Variants in HSPG2 observed in about 807,000 individuals in gnomAD.
HSPG2 encodes heparan sulfate proteoglycan 2.
In HSPG2, 278 loss-of-function variants were observed where a neutral mutation model predicts 526.6. The ratio of observed to expected loss-of-function variants is 0.53; its 90% CI spans 0.48 to 0.58. The LOEUF (loss-of-function observed/expected upper bound fraction) is 0.58, where lower values mean the gene tolerates loss of function less well. HSPG2 is among the 20% of genes least tolerant of loss of function. The pLI is 0.00. For missense variants in HSPG2, 5,354 were observed against 6,099.5 expected, an observed-to-expected ratio of 0.88 and a Z score of 4.07; for synonymous variants, 2,465 against 2,555.4, an observed-to-expected ratio of 0.96 and a Z score of 1.07.
intron 44 of HSPG2, among the ~76,000 whole-genome samples, chr1:21,856,276 CCTCTGCCAAGAACA>C (rs1206523924): frequency 6.6e-6 from 1 of 152,174 alleles, no homozygotes; most frequent in African/African-American, 2.4e-5. Context: ...TGTGCTGCTC[CCTCTGCCAAGAACA>C]CTCTGCCAAC....
Position 21,859,194 on chromosome 1 carries a change from G to A in HSPG2, c.5293+372C>T, listed in dbSNP as rs1639577017. Among the ~76,000 whole-genome samples, 1 of 152,084 alleles carries A rather than the reference G, an allele frequency of 6.6e-6. No individual in the cohort carries two copies. Among genetic ancestry groups the A allele is most frequent in the Non-Finnish European group, 1.5e-5 (1 of 68,010 alleles). On this transcript the variant is annotated intron_variant, in intron 42 of 96. Transcript: ENST00000374695. The surrounding 1 kb of genome is among the most constrained non-coding windows in gnomAD (Gnocchi z 5.3). ...CTCCCGAGTAGCTGGGATTATAGGTGTGTACCACCATGCCCAGCTAATTTT... is the reference window on the plus strand; with the variant it reads ...CTCCCGAGTAGCTGGGATTATAGGTATGTACCACCATGCCCAGCTAATTTT...
At chr1:21,837,028 T>C (rs1204991253) in intron 74 of HSPG2, 22 bp from the exon 75 acceptor site, 11 of 1,540,650 alleles carry the variant, frequency 7.1e-6, no homozygotes. Flanking sequence ...TGTATGAGGT[T>C]CTGCAGGTAT....
rs902247711 is a variant in HSPG2 at position 21,898,806 on chromosome 1, T to C, written c.64-2496A>G. ...ATCCCCCTCTCATTGCAACCAAGGTTATGGAGGGCATGCCTGGAGCACTGC... is the reference window on the plus strand; with the variant it reads ...ATCCCCCTCTCATTGCAACCAAGGTCATGGAGGGCATGCCTGGAGCACTGC... On this transcript the variant is annotated intron_variant, in intron 1 of 96. Coordinates refer to ENST00000374695, the MANE Select transcript of HSPG2 (RefSeq NM_005529.7). The surrounding 1 kb of genome is among the most constrained non-coding windows in gnomAD (Gnocchi z 4.0). 2.6e-5 allele frequency among the ~76,000 whole-genome samples: 4 copies of C among 152,106 alleles called. No homozygotes were observed. In the South Asian group the frequency reaches 6.2e-4, roughly 24 times the overall value.
At position 21,861,755 on chromosome 1, in the gene HSPG2, A is replaced by C; in HGVS notation, c.4955+2T>G. 6.2e-7 allele frequency: 1 copy of C among 1,613,860 alleles called. No homozygotes were observed. Among genetic ancestry groups the C allele is most frequent in the Non-Finnish European group, 8.5e-7 (1 of 1,179,830 alleles). ...TCCCCCTACTTCTGTTTACAAACTT[A>C]CTGCTCACAGTACTGGCCAGTGTAG... On this transcript the variant is annotated splice_donor_variant, in intron 39 of 96. Transcript: ENST00000374695. LOFTEE classifies it high-confidence loss of function.
chr1:21,851,466 C>T (rs1638888323), intron 55 of HSPG2, 80 bp downstream of exon 55: 3 of 1,589,004 alleles, frequency 1.9e-6, no homozygotes, highest in Non-Finnish European at 8.6e-7. Flanking sequence ...CTCAGGGGAG[C>T]CTCTAGCCCT....
intron 44 of HSPG2, among the ~76,000 whole-genome samples, chr1:21,856,586 T>G (rs879496271): frequency 3.6e-5 from 5 of 140,120 alleles, no homozygotes; most frequent in Non-Finnish European, 7.8e-5. Context: ...CCCAGCTAGT[T>G]TTTGTATTTT....
In HSPG2 at chr1:21,858,354, C is replaced by T. The variant is rs926831195; in HGVS notation, c.5294-969G>A. 1.2e-4 allele frequency among the ~76,000 whole-genome samples: 18 copies of T among 152,318 alleles called. No individual in the cohort carries two copies. The highest frequency in any genetic ancestry group is 4.3e-4 in the African/African-American group (18 of 41,572). On this transcript the variant is annotated intron_variant, in intron 42 of 96. Transcript: ENST00000374695. This position sits in a 1 kb window ranked among gnomAD's most constrained non-coding sequence, Gnocchi z 4.2. ...TGCACTCTCTCAGGCTCTTCCTGCCCTTCCTCTTCCATTTGACATGTTCAC... is the reference window on the plus strand; with the variant it reads ...TGCACTCTCTCAGGCTCTTCCTGCCTTTCCTCTTCCATTTGACATGTTCAC...
intron 33 of HSPG2, among the ~76,000 whole-genome samples, chr1:21,867,574 A>C (rs917606869): frequency 1.3e-5 from 2 of 152,132 alleles, no homozygotes; most frequent in African/African-American, 4.8e-5. Flanking sequence ...ATAGGACACA[A>C]ATGGTGATGT....
At chr1:21,844,704 C>A (rs1451766469) in intron 64 of HSPG2, among the ~76,000 whole-genome samples, 2 of 152,242 alleles carry the variant, frequency 1.3e-5, no homozygotes, top group African/African-American at 4.8e-5. Flanking sequence ...TGGAAAACAA[C>A]TTCACCTCTC....
rs748154136 is a variant in HSPG2 at position 21,846,255 on chromosome 1, T to C, written c.8317A>G (p.Thr2773Ala). The C allele has an allele frequency of 3.1e-6, 5 of 1,612,864 alleles. No homozygotes were observed. Among genetic ancestry groups the C allele is most frequent in the Admixed American group, 1.7e-5 (1 of 59,994 alleles). ...TGCAGCCGCAGCCGTGAGCCGCGGG[T>C]CTGAATAGGGGACAGGACAGAGGAA... ...RGGSLPSHHQ[T>A]RGSRLRLHHV... Residue 2773 changes from threonine (T) to alanine (A), a missense_variant and splice_region_variant, in exon 64 of 97, where the codon ACC becomes GCC. Coordinates refer to ENST00000374695, the MANE Select transcript of HSPG2 (RefSeq NM_005529.7).
intron 1 of HSPG2, among the ~76,000 whole-genome samples, chr1:21,920,772 C>A (rs752440369): frequency 3.3e-5 from 5 of 152,318 alleles, no homozygotes; most frequent in Admixed American, 2.0e-4. Context: ...CCTCCTCCCC[C>A]ACTCCTGGAC....
chr1:21,853,009 C>A lies in HSPG2; in HGVS notation c.6501G>T (p.Gln2167His). The A allele has an allele frequency of 6.2e-7, 1 of 1,613,874 alleles. No homozygotes were observed. Among genetic ancestry groups the A allele is most frequent in the Non-Finnish European group, 8.5e-7 (1 of 1,179,956 alleles). Residue 2167 changes from glutamine to histidine, a missense_variant, in exon 51 of 97, where the codon CAG (glutamine) becomes CAT (histidine). By Grantham distance (24) the Gln-to-His change is conservative (BLOSUM62 0). Coordinates refer to ENST00000374695, the MANE Select transcript of HSPG2 (RefSeq NM_005529.7). ...GCACCACGCAGTTCAGATCCAGGGTCTGCCCTTCCGCCACGTGTGAGGAGG... is the reference window on the plus strand; with the variant it reads ...GCACCACGCAGTTCAGATCCAGGGTATGCCCTTCCGCCACGTGTGAGGAGG... ...EPSSSHVAEG[Q>H]TLDLNCVVPG...
Position 21,830,970 on chromosome 1 carries a change from C to A in HSPG2, c.11671+12G>T. On this transcript the variant is annotated intron_variant, in intron 85 of 96. Coordinates refer to ENST00000374695, the MANE Select transcript of HSPG2 (RefSeq NM_005529.7). ...CCCTGGGGCGACAGCGACTGGCGGT[C>A]GGGGTGCGTACCTGGATGGCAGTGC... The A allele has an allele frequency of 6.4e-7, 1 of 1,554,978 alleles. No homozygotes were observed. Among genetic ancestry groups the A allele is most frequent in the Non-Finnish European group, 8.7e-7 (1 of 1,144,312 alleles).
At chr1:21,900,812 G>A (rs989022239) in intron 1 of HSPG2, among the ~76,000 whole-genome samples, 44 of 152,106 alleles carry the variant, frequency 2.9e-4, no homozygotes, top group African/African-American at 9.7e-4. Context: ...TTGAACCCAG[G>A]AGGCGGAGGT....
chr1:21,831,345 A>C (rs779144155), intron 83 of HSPG2, 21 bp from the exon 84 acceptor site: 20 of 1,610,712 alleles, frequency 1.2e-5, no homozygotes, highest in Non-Finnish European at 1.7e-6. Context: ...AGTGGGCAGG[A>C]TGAGCACAGG....
intron 57 of HSPG2, among the ~76,000 whole-genome samples, chr1:21,849,326 G>T (rs1638702463): frequency 6.6e-6 from 1 of 152,150 alleles, no homozygotes. Flanking sequence ...AGCCCATTTG[G>T]CCCCTCACTC....
Position 21,874,675 on chromosome 1 carries a change from C to T in HSPG2, c.3469G>A (p.Glu1157Lys). 1 of 1,612,032 alleles carries T rather than the reference C, an allele frequency of 6.2e-7. No homozygotes were observed. The highest frequency in any genetic ancestry group is 8.5e-7 in the Non-Finnish European group (1 of 1,179,086). Residue 1157 changes from glutamate to lysine, a missense_variant, in exon 27 of 97, where the codon GAA becomes AAA. Physicochemically the swap from Glu to Lys is moderately conservative, Grantham distance 56. Transcript: ENST00000374695. ...GAGTGGCCATGGCAGCTGCAGCGTT[C>T]ACAGGTACCCAGGTAGAGGCCACTG... ...TPSGLYLGTC[E>K]RCSCHGHSEA...
Position 21,859,786 on chromosome 1 carries a change from C to T in HSPG2, c.5182+49G>A, listed in dbSNP as rs768649459. On this transcript the variant is annotated intron_variant, in intron 41 of 96. Coordinates refer to ENST00000374695, the MANE Select transcript of HSPG2 (RefSeq NM_005529.7). This position sits in a 1 kb window ranked among gnomAD's most constrained non-coding sequence, Gnocchi z 5.3. ...GGGCAGGGACAGGCCCCTGCCTCCC[C>T]TCCCACTGGGATGGCTCTTGGGGCT... 3.7e-6 allele frequency: 6 copies of T among 1,603,512 alleles called. 1 individual carries two copies. The highest frequency in any genetic ancestry group is 4.3e-6 in the Non-Finnish European group (5 of 1,175,826).
chr1:21,835,229 T>C (rs2098021641), intron 76 of HSPG2: 1 of 599,298 alleles, frequency 1.7e-6, no homozygotes, highest in Non-Finnish European at 3.0e-6. Flanking sequence ...GCTCAAGCAA[T>C]GCTCCCAGCT....
Sources: gnomAD v4.1 joint callset for allele counts (sites outside exome capture counted in the v4.1 genomes callset) on GRCh38, gnomAD v4.1.1 for gene constraint, Gnocchi (gnomAD v3.1) non-coding constraint, MANE v1.5 for transcripts, NCBI Gene and HGNC (gene_info 2026-07-23, HGNC 2026-07-21) for gene names.